Variants in DNAAF11 observed in about 807,000 individuals in gnomAD.
DNAAF11 encodes the protein leucine rich repeat containing 6.
A neutral mutation model predicts 60.8 loss-of-function variants in DNAAF11; 45 were observed. The observed-to-expected ratio is 0.74, with a 90% CI of 0.58 to 0.95. The LOEUF is 0.95. Among genes scored for constraint, DNAAF11 ranks in the 40% least tolerant of loss-of-function variants. DNAAF11 has a pLI of 0.00. For missense variants in DNAAF11, 546 were observed against 546.2 expected, an observed-to-expected ratio of 1.00 and a Z score of 0.00; for synonymous variants, 191 against 183.5, an observed-to-expected ratio of 1.04 and a Z score of -0.33.
In DNAAF11 at chr8:132,632,880, CTCT is replaced by C; in HGVS notation, c.510_512del (p.Glu171del). 6.2e-7 allele frequency: 1 copy of C among 1,613,814 alleles called. No individual in the cohort carries two copies. The highest frequency in any genetic ancestry group is 8.5e-7 in the Non-Finnish European group (1 of 1,179,798). ...GTTTAAGACAGTGATCTTTTTCCTGCTCTCTGATTTGTGGTTCAATTACTGAAT... is the reference window on the plus strand; with the variant it reads ...GTTTAAGACAGTGATCTTTTTCCTGCCTGATTTGTGGTTCAATTACTGAAT... On this transcript the variant is annotated inframe_deletion, in exon 5 of 12. Transcript: ENST00000620350.
intron 10 of DNAAF11, among the ~76,000 whole-genome samples, chr8:132,593,332 C>CATATATATAT (rs60462067): frequency 0.042 from 4,564 of 108,322 alleles, 77 homozygotes; most frequent in African/African-American, 0.074. Context: ...TATATACATA[C>CATATATATAT]ATATATATAT....
At chr8:132,626,123 C>T (rs938550450) in intron 5 of DNAAF11, among the ~76,000 whole-genome samples, 8 of 151,936 alleles carry the variant, frequency 5.3e-5, no homozygotes, top group African/African-American at 1.9e-4. Flanking sequence ...GTGGTCTCTG[C>T]TCACCGCAAG....
rs201740047 is a variant in DNAAF11, at chr8:132,641,410, G to A, written c.257-3303C>T. On this transcript the variant is annotated intron_variant, in intron 3 of 11. Transcript: ENST00000620350. ...TGTTTATGACCTGTCTTCCCCATTAGAACTTAAGCTCCATGAAGAGGGGAA... is the reference window on the plus strand; with the variant it reads ...TGTTTATGACCTGTCTTCCCCATTAAAACTTAAGCTCCATGAAGAGGGGAA... Among the ~76,000 whole-genome samples the A allele has an allele frequency of 3.3e-5, 5 of 152,150 alleles. No individual in the cohort carries two copies. In the East Asian group the frequency reaches 9.7e-4, roughly 29 times the overall value.
At chr8:132,678,067 G>C (rs1825814576), upstream of DNAAF11, among the ~76,000 whole-genome samples, 1 of 152,138 alleles carries the variant, frequency 6.6e-6, no homozygotes, top group Non-Finnish European at 1.5e-5. Flanking sequence ...TTGACAACTA[G>C]AGAGTTCAAG....
At chr8:132,595,846 C>T (rs186091255) in intron 10 of DNAAF11, among the ~76,000 whole-genome samples, 152 of 152,284 alleles carry the variant, frequency 1.0e-3, no homozygotes, top group East Asian at 2.9e-3. Flanking sequence ...TAGAGCAGGG[C>T]AAACCGTGAG....
intron 11 of DNAAF11, among the ~76,000 whole-genome samples, chr8:132,579,183 C>T (rs1260976077): frequency 1.3e-5 from 2 of 152,148 alleles, no homozygotes; most frequent in African/African-American, 2.4e-5. Context: ...CAAGTACCTC[C>T]CAGGCCTCTA....
At chr8:132,654,710 A>T (rs1476356937) in intron 3 of DNAAF11, among the ~76,000 whole-genome samples, 1 of 151,604 alleles carries the variant, frequency 6.6e-6, no homozygotes, top group East Asian at 1.9e-4. Context: ...AAAAAAAAAA[A>T]TCAGAAAATA....
chr8:132,657,968 A>C (rs1293343201), intron 2 of DNAAF11, among the ~76,000 whole-genome samples: 5 of 152,318 alleles, frequency 3.3e-5, no homozygotes, highest in African/African-American at 4.8e-5. Context: ...AGATGACAGG[A>C]ATGTAGAAAA....
At chr8:132,587,009 T>C (rs543644064) in intron 10 of DNAAF11, among the ~76,000 whole-genome samples, 2 of 152,226 alleles carry the variant, frequency 1.3e-5, no homozygotes, top group South Asian at 2.1e-4. Flanking sequence ...AAATATCAGC[T>C]TAAAAAAAAG....
chr8:132,616,751 C>T (rs1367170546), intron 7 of DNAAF11, among the ~76,000 whole-genome samples: 11 of 152,134 alleles, frequency 7.2e-5, no homozygotes, highest in Non-Finnish European at 1.6e-4. Context: ...AAAGTGAAAC[C>T]AGCACTCAGG....
intron 10 of DNAAF11, among the ~76,000 whole-genome samples, chr8:132,589,990 C>T (rs984989692): frequency 6.6e-6 from 1 of 152,170 alleles, no homozygotes. Context: ...CAGTGCAGAC[C>T]TTTGCAGTAC....
At chr8:132,700,520 C>A in the DNAAF11 span, among the ~76,000 whole-genome samples, 3 of 97,164 alleles carry the variant, frequency 3.1e-5, no homozygotes, top group African/African-American at 5.4e-5. Flanking sequence ...ACCCCCACCT[C>A]TACAAAAAAA....
At chr8:132,624,122 A>G (rs190120886) in intron 6 of DNAAF11, among the ~76,000 whole-genome samples, 3 of 152,314 alleles carry the variant, frequency 2.0e-5, no homozygotes, top group East Asian at 1.9e-4. Flanking sequence ...TAAATATAAC[A>G]TATGTGTGTA....
At chr8:132,582,303 G>C (rs1815422756) in intron 11 of DNAAF11, among the ~76,000 whole-genome samples, 1 of 152,186 alleles carries the variant, frequency 6.6e-6, no homozygotes, top group Non-Finnish European at 1.5e-5. Flanking sequence ...GAAAAAGAAA[G>C]GCTTTGCAAA....
the DNAAF11 span, chr8:132,687,733 A>G: frequency 2.2e-6 from 1 of 455,356 alleles, no homozygotes; most frequent in Middle Eastern, 3.3e-4. Flanking sequence ...CTGAACTCAA[A>G]TCTGCCTGAC....
intron 5 of DNAAF11, among the ~76,000 whole-genome samples, chr8:132,631,394 T>C (rs901022608): frequency 3.3e-5 from 5 of 152,172 alleles, no homozygotes. Context: ...CTGGGATAAA[T>C]TGTAATTTAT....
At chr8:132,693,473 G>C in the DNAAF11 span, among the ~76,000 whole-genome samples, 1 of 151,188 alleles carries the variant, frequency 6.6e-6, no homozygotes, top group East Asian at 2.0e-4. Flanking sequence ...GTGTGTGTGC[G>C]TGTGTATATT....
the DNAAF11 span, among the ~76,000 whole-genome samples, chr8:132,694,190 T>TA: frequency 2.6e-5 from 4 of 152,138 alleles, no homozygotes; most frequent in African/African-American, 9.7e-5. Context: ...CAGATGTGGA[T>TA]ATGGAAATTA....
At chr8:132,576,770 C>T (rs1320886203) in intron 11 of DNAAF11, among the ~76,000 whole-genome samples, 1 of 151,658 alleles carries the variant, frequency 6.6e-6, no homozygotes, top group Non-Finnish European at 1.5e-5. Context: ...TGGTCCTAAG[C>T]ATTTTGGATA....
Sources: allele counts gnomAD v4.1 joint callset (sites outside exome capture counted in the v4.1 genomes callset), GRCh38; gene constraint gnomAD v4.1.1; transcripts MANE v1.5; gene names NCBI Gene and HGNC (gene_info 2026-07-23, HGNC 2026-07-21).